AKT3: variants seen among roughly 807,000 people sequenced by gnomAD.
AKT3 encodes AKT serine/threonine kinase 3, also known as RAC-gamma serine/threonine-protein kinase.
In AKT3, 15 loss-of-function variants were observed where a neutral mutation model predicts 65.3. The observed-to-expected ratio is 0.23, with a 90% CI of 0.15 to 0.35. The LOEUF is 0.35. AKT3 is among the 10% of genes least tolerant of loss of function. The pLI, the probability that AKT3 is intolerant of heterozygous loss-of-function variation, is 1.00. For synonymous variants in AKT3, 206 were observed against 183.8 expected (o/e 1.12, Z -0.98); for missense variants, 243 against 576.5 (o/e 0.42, Z 5.92).
At chr1:243,731,386 G>A (rs577096620) in intron 2 of AKT3, among the ~76,000 whole-genome samples, 1 of 152,228 alleles carries the variant, frequency 6.6e-6, no homozygotes, top group South Asian at 2.1e-4. Flanking sequence ...AAGAACTAAG[G>A]GGCAAGAAGA....
chr1:243,845,558 G>A (rs548911525), intron 1 of AKT3, among the ~76,000 whole-genome samples: 1 of 123,990 alleles, frequency 8.1e-6, no homozygotes, highest in South Asian at 2.9e-4. Context: ...AGTGGTGACC[G>A]TGCCTGGGTG....
intron 13 of AKT3, 35 bp downstream of exon 13, chr1:243,512,289 T>C (rs1361405096): frequency 8.6e-7 from 1 of 1,168,730 alleles, no homozygotes; most frequent in South Asian, 1.4e-5. Flanking sequence ...GAAATTATAT[T>C]AGAAATTTAT....
intron 3 of AKT3, among the ~76,000 whole-genome samples, chr1:243,694,403 CCATT>C (rs1684923849): frequency 6.6e-6 from 1 of 151,946 alleles, no homozygotes; most frequent in South Asian, 2.1e-4. Context: ...TGAAAGAAAA[CCATT>C]ATTATCTAAT....
chr1:243,708,210 C>A lies in AKT3; in HGVS notation c.47-12494G>T, dbSNP rs1467021190. Among the ~76,000 whole-genome samples, 3 of 152,022 alleles carry A rather than the reference C, an allele frequency of 2.0e-5. No homozygotes were observed. The East Asian group carries it at 5.8e-4, about 29-fold the overall frequency. On this transcript the variant is annotated intron_variant, in intron 2 of 13. Transcript: ENST00000673466. ...AGAACTGAACATGTTTAAATGATATCGTCGAATTGAAGGGCACAAACATTT... is the reference window on the plus strand; with the variant it reads ...AGAACTGAACATGTTTAAATGATATAGTCGAATTGAAGGGCACAAACATTT...
At chr1:243,793,531 T>C (rs939644850) in intron 2 of AKT3, 1 of 152,186 alleles carries the variant, frequency 6.6e-6, no homozygotes, top group Admixed American at 6.6e-5. Context: ...CCACATGCTA[T>C]GGGAGGCTGA....
intron 8 of AKT3, among the ~76,000 whole-genome samples, chr1:243,595,297 G>T (rs929852382): frequency 3.3e-5 from 5 of 152,128 alleles, no homozygotes; most frequent in Non-Finnish European, 7.4e-5. Flanking sequence ...CGATATACCT[G>T]TCTATTGCAT....
downstream of AKT3, among the ~76,000 whole-genome samples, chr1:243,498,520 C>T (rs1040245337): frequency 6.7e-6 from 1 of 148,300 alleles, no homozygotes; most frequent in African/African-American, 2.7e-5. Context: ...CCCACCTACT[C>T]TAACTACCCT....
At chr1:243,511,426 A>G (rs1169211504) in intron 13 of AKT3, among the ~76,000 whole-genome samples, 1 of 152,078 alleles carries the variant, frequency 6.6e-6, no homozygotes, top group Non-Finnish European at 1.5e-5. Context: ...TTAGCCTCCA[A>G]TCGCCCCTCT....
intron 2 of AKT3, among the ~76,000 whole-genome samples, chr1:243,715,738 G>C (rs1380785675): frequency 6.6e-6 from 1 of 151,886 alleles, no homozygotes; most frequent in Non-Finnish European, 1.5e-5. Context: ...TTGAAAACAG[G>C]TTCAAAGGTG....
chr1:243,670,382 A>C lies in AKT3; in HGVS notation c.173-5499T>G, dbSNP rs1683078084. On this transcript the variant is annotated intron_variant, in intron 3 of 13. Transcript: ENST00000673466. ...AACTCTAAATTACCATGTTAAAACC[A>C]GTGATCGAGTAAATAGAAAAACTTT... is the stretch of plus-strand genomic sequence containing the variant. Among the ~76,000 whole-genome samples, 8 of 152,230 alleles carry C rather than the reference A, an allele frequency of 5.3e-5. No homozygotes were observed. In the South Asian group the frequency reaches 1.7e-3, roughly 32 times the overall value.
intron 2 of AKT3, among the ~76,000 whole-genome samples, chr1:243,832,143 A>ACT (rs1694570941): frequency 7.3e-6 from 1 of 137,496 alleles, no homozygotes; most frequent in Non-Finnish European, 1.5e-5. Flanking sequence ...AAAAAAAAAA[A>ACT]AAAAAAAAAA....
intron 10 of AKT3, among the ~76,000 whole-genome samples, chr1:243,560,386 G>A (rs1369055274): frequency 6.6e-6 from 1 of 152,086 alleles, no homozygotes. Flanking sequence ...CCACGCTGAA[G>A]ACCAGAATAA....
chr1:243,549,565 A>T (rs901161971), intron 11 of AKT3, among the ~76,000 whole-genome samples: 2 of 152,102 alleles, frequency 1.3e-5, no homozygotes, highest in Non-Finnish European at 2.9e-5. Flanking sequence ...AGTAGCTGGG[A>T]CTACAGCATG....
chr1:243,801,692 T>G (rs1173372483), intron 2 of AKT3, among the ~76,000 whole-genome samples: 1 of 152,202 alleles, frequency 6.6e-6, no homozygotes, highest in South Asian at 2.1e-4. Flanking sequence ...AAGCAGAACC[T>G]GCAGAAGGGA....
At chr1:243,547,066 T>G (rs1410309756) in intron 11 of AKT3, 1 of 152,196 alleles carries the variant, frequency 6.6e-6, no homozygotes, top group Non-Finnish European at 1.5e-5. Flanking sequence ...GCATTATTAA[T>G]ATTTTCTCTT....
intron 6 of AKT3, among the ~76,000 whole-genome samples, chr1:243,623,000 T>C (rs1678878698): frequency 6.6e-6 from 1 of 152,190 alleles, no homozygotes; most frequent in African/African-American, 2.4e-5. Context: ...ACTCTACACA[T>C]TCCCAAAAAA....
rs373950390 is a variant in AKT3, at chr1:243,761,257, G to C, written c.47-65541C>G. ...CTCAGTGAAATATAAAACTATACAAGAGACATGTCTAATTTGGAAGAGAAA... is the reference window on the plus strand; with the variant it reads ...CTCAGTGAAATATAAAACTATACAACAGACATGTCTAATTTGGAAGAGAAA... On this transcript the variant is annotated intron_variant, in intron 2 of 13. Transcript: ENST00000673466. Among the ~76,000 whole-genome samples, 6 of 152,180 alleles carry C rather than the reference G, an allele frequency of 3.9e-5. 2 individuals carry two copies.
intron 11 of AKT3, among the ~76,000 whole-genome samples, chr1:243,549,017 C>A (rs1367241546): frequency 3.3e-5 from 5 of 152,172 alleles, no homozygotes; most frequent in African/African-American, 1.2e-4. Flanking sequence ...CCCCCTGAAA[C>A]TGAGGTTCCC....
intron 2 of AKT3, among the ~76,000 whole-genome samples, chr1:243,818,701 G>C (rs749883246): frequency 6.6e-6 from 1 of 151,960 alleles, no homozygotes; most frequent in Non-Finnish European, 1.5e-5. Flanking sequence ...ATGTTATGCA[G>C]AAGTCCATAA....
Sources: gnomAD v4.1 joint callset for allele counts (sites outside exome capture counted in the v4.1 genomes callset) on GRCh38, gnomAD v4.1.1 for gene constraint, MANE v1.5 for transcripts, NCBI Gene and HGNC (gene_info 2026-07-23, HGNC 2026-07-21) for gene names.